ZBTB7C: variants seen among roughly 807,000 people sequenced by gnomAD.
ZBTB7C encodes the protein zinc finger and BTB domain containing 7C, also known as zinc finger and BTB domain-containing protein 7C.
In ZBTB7C, 8 loss-of-function variants were observed where a neutral mutation model predicts 25.7. The observed-to-expected ratio is 0.31, with a 90% CI of 0.18 to 0.56. ZBTB7C has a LOEUF of 0.56. Among genes scored for constraint, ZBTB7C ranks in the 20% least tolerant of loss-of-function variants. ZBTB7C has a pLI of 0.91. For synonymous variants in ZBTB7C, 394 were observed against 369.0 expected (o/e 1.07, Z -0.78); for missense variants, 824 against 855.2 (o/e 0.96, Z 0.46).
chr18:48,073,473 G>A (rs2037632708), intron 3 of ZBTB7C, among the ~76,000 whole-genome samples: 1 of 152,114 alleles, frequency 6.6e-6, no homozygotes, highest in African/African-American at 2.4e-5. Flanking sequence ...TGGGTGTGGG[G>A]TGCAGGAAAC....
intron 2 of ZBTB7C, among the ~76,000 whole-genome samples, chr18:48,186,667 A>C (rs6507823): frequency 2.0e-5 from 3 of 152,042 alleles, no homozygotes; most frequent in African/African-American, 7.2e-5. Context: ...ATCACTGTAA[A>C]GTGTTGCAAT....
At chr18:48,082,903 A>AGTCAGGCCTCATGTCCTGGAT (rs2038046173) in intron 3 of ZBTB7C, among the ~76,000 whole-genome samples, 1 of 152,192 alleles carries the variant, frequency 6.6e-6, no homozygotes, top group African/African-American at 2.4e-5. Flanking sequence ...CTGGCCTGGA[A>AGTCAGGCCTCATGTCCTGGAT]GTCAGGCCTC....
rs985374709 is a variant in ZBTB7C at position 48,405,038 on chromosome 18, G to A, written c.-304+4188C>T. On this transcript the variant is annotated intron_variant, in intron 1 of 4. Coordinates refer to ENST00000590800, the MANE Select transcript of ZBTB7C (RefSeq NM_001318841.2). ...AGCCCCTGAGACAGTTCTGATGGGCGGATCAATTCACACCAAAGGGTTAAA... is the reference window on the plus strand; with the variant it reads ...AGCCCCTGAGACAGTTCTGATGGGCAGATCAATTCACACCAAAGGGTTAAA... Among the ~76,000 whole-genome samples, 4 of 152,246 alleles carry A rather than the reference G, an allele frequency of 2.6e-5. No individual in the cohort carries two copies. In the South Asian group the frequency reaches 8.3e-4, roughly 32 times the overall value.
chr18:48,396,994 G>A (rs761808233), intron 1 of ZBTB7C, among the ~76,000 whole-genome samples: 11 of 152,128 alleles, frequency 7.2e-5, no homozygotes, highest in Non-Finnish European at 1.5e-4. Context: ...AGTGCTTTAC[G>A]TGGCTCCAAA....
At chr18:48,272,716 A>G (rs564125336) in intron 2 of ZBTB7C, among the ~76,000 whole-genome samples, 2 of 152,348 alleles carry the variant, frequency 1.3e-5, no homozygotes, top group East Asian at 3.9e-4. Flanking sequence ...TGTTCATAGC[A>G]GCATTCTTGA....
intron 1 of ZBTB7C, among the ~76,000 whole-genome samples, chr18:48,381,569 C>T (rs140790221): frequency 6.6e-6 from 1 of 152,126 alleles, no homozygotes. Flanking sequence ...ACAGTCACAA[C>T]AACGTAACTA....
chr18:48,211,999 G>T (rs2042713405), intron 2 of ZBTB7C, among the ~76,000 whole-genome samples: 1 of 152,146 alleles, frequency 6.6e-6, no homozygotes, highest in Non-Finnish European at 1.5e-5. Flanking sequence ...ATGCTAAAAA[G>T]ACATGAGCTA....
intron 2 of ZBTB7C, among the ~76,000 whole-genome samples, chr18:48,269,213 C>G (rs558170767): frequency 6.6e-6 from 1 of 152,132 alleles, no homozygotes; most frequent in Non-Finnish European, 1.5e-5. Context: ...ATCCACCCAT[C>G]TCAGCCTCCC....
chr18:48,063,609 G>T (rs1352441164), intron 3 of ZBTB7C, among the ~76,000 whole-genome samples: 1 of 152,212 alleles, frequency 6.6e-6, no homozygotes, highest in African/African-American at 2.4e-5. Flanking sequence ...GAGGAGAGGT[G>T]ACAGTATGTG....
intron 2 of ZBTB7C, among the ~76,000 whole-genome samples, chr18:48,258,597 G>C (rs1255483643): frequency 6.6e-6 from 1 of 152,136 alleles, no homozygotes; most frequent in Non-Finnish European, 1.5e-5. Flanking sequence ...GAAGATTATT[G>C]ATATGTCAAT....
chr18:48,083,315 A>G (rs1290701478), intron 3 of ZBTB7C, among the ~76,000 whole-genome samples: 1 of 152,032 alleles, frequency 6.6e-6, no homozygotes, highest in Non-Finnish European at 1.5e-5. Context: ...CAACATCCCG[A>G]GGGGCTGTAA....
At chr18:48,303,809 C>T (rs900675324) in intron 2 of ZBTB7C, among the ~76,000 whole-genome samples, 7 of 152,192 alleles carry the variant, frequency 4.6e-5, no homozygotes, top group African/African-American at 1.7e-4. Context: ...CTCCATATCC[C>T]TTTTTCAAGG....
chr18:48,199,828 C>T (rs982670447), intron 2 of ZBTB7C, among the ~76,000 whole-genome samples: 4 of 152,166 alleles, frequency 2.6e-5, no homozygotes, highest in African/African-American at 7.2e-5. Context: ...TGGTCATTTT[C>T]CAGAGGATAT....
intron 1 of ZBTB7C, among the ~76,000 whole-genome samples, chr18:48,395,771 T>C (rs2048017208): frequency 6.6e-6 from 1 of 152,068 alleles, no homozygotes; most frequent in African/African-American, 2.4e-5. Flanking sequence ...CATTTCTGAA[T>C]GAAGAACAGG....
chr18:48,178,039 T>C (rs536789480), intron 3 of ZBTB7C, among the ~76,000 whole-genome samples: 1 of 148,458 alleles, frequency 6.7e-6, no homozygotes, highest in East Asian at 2.0e-4. Flanking sequence ...AGCCCCTCCC[T>C]CTCCTTGCCC....
chr18:48,296,942 A>G (rs2045411568), intron 2 of ZBTB7C, among the ~76,000 whole-genome samples: 1 of 152,224 alleles, frequency 6.6e-6, no homozygotes, highest in African/African-American at 2.4e-5. Flanking sequence ...GTCTCTACTA[A>G]AAGCACAAAA....
At chr18:48,132,739 A>G (rs991540076) in intron 3 of ZBTB7C, among the ~76,000 whole-genome samples, 22 of 152,216 alleles carry the variant, frequency 1.4e-4, no homozygotes, top group South Asian at 2.1e-4. Flanking sequence ...GACCACTGTC[A>G]TCTCTCCAGT....
chr18:48,338,975 C>T (rs1299920509), intron 1 of ZBTB7C, among the ~76,000 whole-genome samples: 1 of 151,214 alleles, frequency 6.6e-6, no homozygotes, highest in Non-Finnish European at 1.5e-5. Flanking sequence ...TTTCATAGTT[C>T]GTCATCTCAG....
chr18:48,030,027 C>T, intron 4 of ZBTB7C, 116 bp from the exon 5 acceptor site: 1 of 1,369,528 alleles, frequency 7.3e-7, no homozygotes. Flanking sequence ...GGAGTCAAAC[C>T]CCAGAAATAG....
Sources: gnomAD v4.1 joint callset for allele counts (sites outside exome capture counted in the v4.1 genomes callset) on GRCh38, gnomAD v4.1.1 for gene constraint, MANE v1.5 for transcripts, NCBI Gene and HGNC (gene_info 2026-07-23, HGNC 2026-07-21) for gene names.